Variants in FREM1 observed in about 807,000 individuals in gnomAD.
FREM1 encodes the protein FRAS1 related extracellular matrix 1.
FREM1 carries 220 observed loss-of-function variants against 210.1 expected under a neutral mutation model. That is an observed-to-expected ratio of 1.05 (90% CI 0.94 to 1.17). The LOEUF is 1.17. FREM1 is among the 50% of genes most tolerant of loss of function. The probability of loss-of-function intolerance (pLI) is 0.00; values close to 1 mark genes in which losing one functional copy is unlikely to be tolerated. For synonymous variants in FREM1, 1,189 were observed against 980.2 expected, an observed-to-expected ratio of 1.21 and a Z score of -3.98; for missense variants, 3,454 against 2,675.5, an observed-to-expected ratio of 1.29 and a Z score of -6.42.
chr9:14,815,450 A>G (rs115994680), intron 15 of FREM1, among the ~76,000 whole-genome samples: 3,246 of 152,314 alleles, frequency 0.021, 116 homozygotes, highest in African/African-American at 0.074. Context: ...CAAAGATCTG[A>G]AAAATTCCAA....
At chr9:14,848,858 G>T in intron 6 of FREM1, 85 bp from the exon 7 acceptor site, 1 of 706,838 alleles carries the variant, frequency 1.4e-6, no homozygotes, top group Non-Finnish European at 2.5e-6. Context: ...CCCACACACA[G>T]TGGATTCAGT....
At chr9:14,873,247 C>G (rs1190166855) in intron 1 of FREM1, among the ~76,000 whole-genome samples, 1 of 152,114 alleles carries the variant, frequency 6.6e-6, no homozygotes, top group Non-Finnish European at 1.5e-5. Context: ...AGGAATGGTA[C>G]CAGCTCCTCC....
chr9:14,789,635 A>T (rs1587986978), intron 22 of FREM1, among the ~76,000 whole-genome samples: 1 of 152,220 alleles, frequency 6.6e-6, no homozygotes. Context: ...TTACTAAAGA[A>T]AGAAAATGAT....
rs1825862787 is a variant in FREM1, at chr9:14,842,497, A to G, written c.1557T>C (p.Asp519=). 6.2e-7 allele frequency: 1 copy of G among 1,614,018 alleles called. No homozygotes were observed. Among genetic ancestry groups the G allele is most frequent in the Non-Finnish European group, 8.5e-7 (1 of 1,179,870 alleles). The part of the protein sequence containing the change: ...KFPINVLPKD[D]SPPFLITNVV... ...CATTGGTTATGAGGAACGGGGGACT[A>G]TCATCTTTGGGCAAGACGTTGATGG... The change falls in exon 9 of 37, where the codon GAT becomes GAC. Residue 519 remains aspartate, a synonymous_variant. Coordinates refer to ENST00000380880, the MANE Select transcript of FREM1 (RefSeq NM_001379081.2).
At chr9:14,848,574 T>C (rs1258929431) in intron 7 of FREM1, 91 bp downstream of exon 7, 3 of 625,278 alleles carry the variant, frequency 4.8e-6, no homozygotes, top group Non-Finnish European at 8.3e-6. Flanking sequence ...ATGTATGACA[T>C]AGGAATAAAA....
intron 1 of FREM1, among the ~76,000 whole-genome samples, chr9:14,874,094 G>A (rs1320261697): frequency 3.3e-5 from 5 of 151,950 alleles, no homozygotes; most frequent in Admixed American, 6.6e-5. Context: ...CCAACTATGT[G>A]GTCAATTTTG....
intron 25 of FREM1, among the ~76,000 whole-genome samples, chr9:14,774,356 C>A (rs1244831784): frequency 6.6e-6 from 1 of 152,106 alleles, no homozygotes. Context: ...TGAAGCCCCC[C>A]AAAAAGGAAG....
intron 25 of FREM1, among the ~76,000 whole-genome samples, chr9:14,774,893 C>G (rs1277809239): frequency 6.6e-6 from 1 of 152,134 alleles, no homozygotes; most frequent in Non-Finnish European, 1.5e-5. Context: ...GTACCCTCAT[C>G]TATAAAATGT....
intron 35 of FREM1, among the ~76,000 whole-genome samples, chr9:14,745,010 T>G: frequency 6.6e-6 from 1 of 152,120 alleles, no homozygotes; most frequent in East Asian, 1.9e-4. Context: ...AGCAAACTAA[T>G]GCAGGAACAG....
At chr9:14,769,644 A>G in intron 27 of FREM1, 80 bp downstream of exon 27, 1 of 1,416,828 alleles carries the variant, frequency 7.1e-7, no homozygotes, top group Non-Finnish European at 9.6e-7. Context: ...TCTGTTTTAA[A>G]AAGAACATTT....
chr9:14,858,331 C>T lies in FREM1; in HGVS notation c.632-582G>A, dbSNP rs1427710732. On this transcript the variant is annotated intron_variant, in intron 4 of 36. Coordinates refer to ENST00000380880, the MANE Select transcript of FREM1 (RefSeq NM_001379081.2). Reference sequence around the variant, plus strand: ...ATCTCTAACCAAATGTATTTCCACTCTTGTTTAGTATATAATACTCATAAG... The same window carrying T: ...ATCTCTAACCAAATGTATTTCCACTTTTGTTTAGTATATAATACTCATAAG... 2.0e-5 allele frequency among the ~76,000 whole-genome samples: 3 copies of T among 152,104 alleles called. No homozygotes were observed. The East Asian group carries it at 5.8e-4, about 29-fold the overall frequency.
chr9:14,860,606 T>A (rs1393412248), intron 3 of FREM1, among the ~76,000 whole-genome samples: 3 of 145,062 alleles, frequency 2.1e-5, no homozygotes, highest in African/African-American at 7.6e-5. Flanking sequence ...TATATACACA[T>A]ATATACACAC....
rs553893753 is a variant in FREM1, at chr9:14,751,173, T to C, written c.5408-897A>G. Reference sequence around the variant, plus strand: ...TGGAAGGAAGTAAAGGGAATACTTTTAAGTGGAGAAAGAAGGCTCAACTTT... The same window carrying C: ...TGGAAGGAAGTAAAGGGAATACTTTCAAGTGGAGAAAGAAGGCTCAACTTT... On this transcript the variant is annotated intron_variant, in intron 29 of 36. Coordinates refer to ENST00000380880, the MANE Select transcript of FREM1 (RefSeq NM_001379081.2). Among the ~76,000 whole-genome samples the C allele has an allele frequency of 2.6e-5, 4 of 152,324 alleles. No homozygotes were observed. The South Asian group carries it at 8.3e-4, about 32-fold the overall frequency.
intron 30 of FREM1, among the ~76,000 whole-genome samples, 171 bp downstream of exon 30, chr9:14,749,956 C>A (rs761982758): frequency 1.4e-4 from 21 of 152,160 alleles, no homozygotes; most frequent in Non-Finnish European, 2.8e-4. Context: ...AGGAGGAAAA[C>A]CACATGAAGC....
rs968813593 is a variant in FREM1 at position 14,747,320 on chromosome 9, C to G, written c.5953G>C (p.Glu1985Gln). The G allele has an allele frequency of 6.2e-7, 1 of 1,613,710 alleles. No individual in the cohort carries two copies. Among genetic ancestry groups the G allele is most frequent in the Non-Finnish European group, 8.5e-7 (1 of 1,179,766 alleles). ...SQPQKTIKVA[E>Q]LPQADKVEST... is the part of the protein sequence containing the mutation. ...TCCACCTTATCTGCTTGAGGCAGTT[C>G]TGCCACTTTGATTGTCTTTTGTGGC... The change falls in exon 33 of 37, where the codon GAA becomes CAA. Residue 1985 changes from glutamate (E) to glutamine (Q), a missense_variant. Transcript: ENST00000380880.
At chr9:14,772,777 G>T (rs1251277440) in intron 25 of FREM1, among the ~76,000 whole-genome samples, 1 of 152,184 alleles carries the variant, frequency 6.6e-6, no homozygotes, top group Non-Finnish European at 1.5e-5. Flanking sequence ...GAGATGGTTA[G>T]TGGAAGAAGA....
chr9:14,849,024 G>A (rs1827189874), intron 6 of FREM1, among the ~76,000 whole-genome samples: 1 of 152,128 alleles, frequency 6.6e-6, no homozygotes. Context: ...GTAATATGCT[G>A]GAGAAGTGTC....
At chr9:14,769,165 C>A (rs1847054026) in intron 27 of FREM1, among the ~76,000 whole-genome samples, 1 of 152,074 alleles carries the variant, frequency 6.6e-6, no homozygotes, top group Non-Finnish European at 1.5e-5. Flanking sequence ...AGGGTCATAC[C>A]CTTTATATAC....
chr9:14,845,497 G>C (rs1337773153), intron 8 of FREM1, among the ~76,000 whole-genome samples: 2 of 152,164 alleles, frequency 1.3e-5, no homozygotes, highest in Non-Finnish European at 2.9e-5. Flanking sequence ...TAGAGACGGA[G>C]TTTTACCATA....
Sources: allele counts gnomAD v4.1 joint callset (sites outside exome capture counted in the v4.1 genomes callset), GRCh38; gene constraint gnomAD v4.1.1; transcripts MANE v1.5; gene names NCBI Gene and HGNC (gene_info 2026-07-23, HGNC 2026-07-21).